The following HHAT variants were observed in gnomAD, a reference collection of about 807,000 sequenced individuals.
The protein encoded by HHAT is protein-cysteine N-palmitoyltransferase HHAT.
HHAT carries 47 observed loss-of-function variants against 70.8 expected under a neutral mutation model. The observed-to-expected ratio is 0.66, with a 90% CI of 0.53 to 0.85. HHAT has a LOEUF of 0.85. Among genes scored for constraint, HHAT ranks in the 40% least tolerant of loss-of-function variants. The pLI is 0.00. For synonymous variants in HHAT, 228 were observed against 247.6 expected, an observed-to-expected ratio of 0.92 and a Z score of 0.74; for missense variants, 609 against 604.8, an observed-to-expected ratio of 1.01 and a Z score of -0.07.
intron 2 of HHAT, among the ~76,000 whole-genome samples, chr1:210,362,250 T>C (rs1398616607): frequency 1.8e-5 from 2 of 114,140 alleles, no homozygotes; most frequent in Non-Finnish European, 3.9e-5. Flanking sequence ...TTTTTTTTTT[T>C]CTTTTCTTTT....
chr1:210,337,747 T>G (rs2085630935), intron 1 of HHAT, among the ~76,000 whole-genome samples: 1 of 152,152 alleles, frequency 6.6e-6, no homozygotes, highest in Non-Finnish European at 1.5e-5. Flanking sequence ...TTAATCATAT[T>G]GGCAAAATCC....
At chr1:210,460,845 G>A (rs1344972417) in intron 7 of HHAT, among the ~76,000 whole-genome samples, 4 of 152,158 alleles carry the variant, frequency 2.6e-5, no homozygotes, top group Admixed American at 6.5e-5. Flanking sequence ...GGTCCCACCC[G>A]ATTTGACCTC....
chr1:210,544,367 G>GTTTTTTTTTTTTTTT (rs569514246), intron 9 of HHAT, among the ~76,000 whole-genome samples: 1 of 90,066 alleles, frequency 1.1e-5, no homozygotes, highest in African/African-American at 4.3e-5. Context: ...TCTTTCTTTC[G>GTTTTTTTTTTTTTTT]TTTTTTTTTT....
rs563192158 is a variant in HHAT, at chr1:210,585,718, C to T, written c.1044-2180C>T. 2.6e-5 allele frequency among the ~76,000 whole-genome samples: 4 copies of T among 152,234 alleles called. No homozygotes were observed. The South Asian group carries it at 8.3e-4, about 32-fold the overall frequency. ...ACAGGCAAGAGCCACTGCACCCAGC[C>T]AGAACTAGGCTTAATTCTGAATACA... On this transcript the variant is annotated intron_variant, in intron 9 of 11. Transcript: ENST00000261458.
At chr1:210,420,521 C>G (rs1297636116) in intron 7 of HHAT, among the ~76,000 whole-genome samples, 4 of 152,078 alleles carry the variant, frequency 2.6e-5, no homozygotes, top group Non-Finnish European at 5.9e-5. Flanking sequence ...TGGCACATTA[C>G]CCACAGTAAG....
At chr1:210,612,132 A>G (rs553948279) in intron 10 of HHAT, among the ~76,000 whole-genome samples, 9 of 152,262 alleles carry the variant, frequency 5.9e-5, no homozygotes, top group African/African-American at 2.2e-4. Flanking sequence ...CCATGTATCT[A>G]TTGGTAAAGG....
chr1:210,454,549 G>T (rs2093823117), intron 7 of HHAT, among the ~76,000 whole-genome samples: 1 of 151,938 alleles, frequency 6.6e-6, no homozygotes, highest in Non-Finnish European at 1.5e-5. Flanking sequence ...ATGAGACTTT[G>T]TCTCAAAAAA....
intron 7 of HHAT, among the ~76,000 whole-genome samples, chr1:210,447,042 A>AC (rs1558533430): frequency 6.6e-6 from 1 of 152,062 alleles, no homozygotes; most frequent in East Asian, 1.9e-4. Context: ...GTCAGGCTAA[A>AC]CCCCTTTATA....
At chr1:210,575,973 G>T (rs1000248353) in intron 9 of HHAT, among the ~76,000 whole-genome samples, 1 of 152,120 alleles carries the variant, frequency 6.6e-6, no homozygotes, top group Non-Finnish European at 1.5e-5. Flanking sequence ...AAGTGTAGTA[G>T]GTACTGACTT....
At chr1:210,480,301 G>T (rs2094374315) in intron 8 of HHAT, among the ~76,000 whole-genome samples, 1 of 152,164 alleles carries the variant, frequency 6.6e-6, no homozygotes, top group African/African-American at 2.4e-5. Flanking sequence ...AGGAGTCAAA[G>T]TTGAGCCAGC....
chr1:210,554,171 T>TGATTTC (rs2095552589), intron 9 of HHAT, among the ~76,000 whole-genome samples: 1 of 151,848 alleles, frequency 6.6e-6, no homozygotes. Flanking sequence ...TTAATGATTT[T>TGATTTC]AGCATGAGGG....
chr1:210,629,046 T>C (rs1272522005), intron 11 of HHAT, among the ~76,000 whole-genome samples: 1 of 152,210 alleles, frequency 6.6e-6, no homozygotes, highest in Non-Finnish European at 1.5e-5. Context: ...CTGAGAGTTC[T>C]AGAAGAGTTT....
chr1:210,362,834 C>CA lies in HHAT; in HGVS notation c.92-18_92-17insA. Reference sequence around the variant, plus strand: ...TGTTTAGATTTGTGACTAACGAAGACTTTTTTTTTTTGGTCAGAACACGAA... The same window carrying CA: ...TGTTTAGATTTGTGACTAACGAAGACATTTTTTTTTTTGGTCAGAACACGAA... On this transcript the variant is annotated splice_polypyrimidine_tract_variant and intron_variant, in intron 2 of 11. Coordinates refer to ENST00000261458, the MANE Select transcript of HHAT (RefSeq NM_018194.6). 4 of 1,211,484 alleles carry CA rather than the reference C, an allele frequency of 3.3e-6. No homozygotes were observed. Among genetic ancestry groups the CA allele is most frequent in the Non-Finnish European group, 4.6e-6 (4 of 871,672 alleles). 75.0% of individuals were successfully genotyped at this position (1,211,484 alleles called of 1,614,324 possible).
At chr1:210,516,453 G>A (rs1188937483) in intron 9 of HHAT, among the ~76,000 whole-genome samples, 2 of 151,988 alleles carry the variant, frequency 1.3e-5, no homozygotes, top group Non-Finnish European at 2.9e-5. Flanking sequence ...GGGAGTGAGT[G>A]GTCCCTTAGT....
At chr1:210,666,576 C>A (rs1442934352) in intron 11 of HHAT, among the ~76,000 whole-genome samples, 1 of 152,134 alleles carries the variant, frequency 6.6e-6, no homozygotes, top group African/African-American at 2.4e-5. Context: ...CTTTGCCTCC[C>A]GGGTTCAAGT....
chr1:210,432,583 CTTTAG>C (rs2093276733), intron 7 of HHAT, among the ~76,000 whole-genome samples: 1 of 151,924 alleles, frequency 6.6e-6, no homozygotes, highest in African/African-American at 2.4e-5. Context: ...TAATATGCTG[CTTTAG>C]TTGTGTTAAA....
chr1:210,664,158 A>G (rs1439183266), intron 11 of HHAT, among the ~76,000 whole-genome samples: 2 of 152,226 alleles, frequency 1.3e-5, no homozygotes, highest in Admixed American at 1.3e-4. Context: ...ATCTTTTGAT[A>G]AGATAACCAG....
chr1:210,534,452 C>T (rs1031714386), intron 9 of HHAT, among the ~76,000 whole-genome samples: 5 of 152,108 alleles, frequency 3.3e-5, no homozygotes, highest in African/African-American at 4.8e-5. Context: ...ATCCCACCCA[C>T]GTCCTGTACA....
chr1:210,370,930 C>T (rs150095454), intron 3 of HHAT, among the ~76,000 whole-genome samples: 1 of 151,968 alleles, frequency 6.6e-6, no homozygotes, highest in African/African-American at 2.4e-5. Context: ...CCTATTTTTA[C>T]GTTAGGCAGA....
Sources: gnomAD v4.1 joint callset for allele counts (sites outside exome capture counted in the v4.1 genomes callset) on GRCh38, gnomAD v4.1.1 for gene constraint, MANE v1.5 for transcripts, NCBI Gene and HGNC (gene_info 2026-07-23, HGNC 2026-07-21) for gene names.